Variants in RELN observed in about 807,000 individuals in gnomAD.
RELN encodes the protein reelin.
RELN carries 108 observed loss-of-function variants against 427.6 expected under a neutral mutation model. That is an observed-to-expected ratio of 0.25 (90% CI 0.22 to 0.30). The LOEUF (loss-of-function observed/expected upper bound fraction) is 0.30, where lower values mean the gene tolerates loss of function less well. RELN is among the 10% of genes least tolerant of loss of function. The pLI is 1.00. For missense variants in RELN, 3,715 were observed against 4,302.8 expected (o/e 0.86, Z 3.82); for synonymous variants, 1,524 against 1,513.4 (o/e 1.01, Z -0.16).
intron 11 of RELN, among the ~76,000 whole-genome samples, chr7:103,666,031 T>C (rs559659746): frequency 6.6e-6 from 1 of 152,008 alleles, no homozygotes; most frequent in Non-Finnish European, 1.5e-5. Flanking sequence ...GTATTTTTCA[T>C]TTTAAAAAGT....
At position 103,603,246 on chromosome 7, in the gene RELN, AG is replaced by A; in HGVS notation, c.3333+57del. 7.5e-7 allele frequency: 1 copy of A among 1,341,304 alleles called. No homozygotes were observed. The highest frequency in any genetic ancestry group is 1.1e-6 in the Non-Finnish European group (1 of 931,494). 83.1% of individuals were successfully genotyped at this position (1,341,304 alleles called of 1,614,324 possible). A position where few individuals can be genotyped will look rare whatever the true frequency, so the allele number is the denominator to read the frequency against. ...CTTCATATTTGTACATTTGGAATTC[AG>A]AGTCTCATATTAAACTAGCCATTGC... On this transcript the variant is annotated intron_variant, in intron 24 of 64. Coordinates refer to ENST00000428762, the MANE Select transcript of RELN (RefSeq NM_005045.4). This position sits in a 1 kb window ranked among gnomAD's most constrained non-coding sequence, Gnocchi z 4.3.
rs777883012 is a variant in RELN at position 103,593,668 on chromosome 7, T to C, written c.3912+14A>G. ...TCCTTAACTTGCTCTGGGAAGAAGC[T>C]TGTGCATAAATACCTTGAACTGTAG... On this transcript the variant is annotated intron_variant, in intron 27 of 64. Transcript: ENST00000428762. 2.1e-5 allele frequency: 33 copies of C among 1,607,210 alleles called. No individual in the cohort carries two copies. The highest frequency in any genetic ancestry group is 2.7e-5 in the Non-Finnish European group (32 of 1,173,772).
intron 2 of RELN, among the ~76,000 whole-genome samples, chr7:103,843,239 C>G (rs1435712065): frequency 6.6e-6 from 1 of 151,868 alleles, no homozygotes; most frequent in Non-Finnish European, 1.5e-5. Context: ...GGGTCTTGCT[C>G]TGTCACCTAG....
intron 28 of RELN, among the ~76,000 whole-genome samples, chr7:103,581,946 G>C (rs1413945134): frequency 1.3e-5 from 2 of 152,018 alleles, no homozygotes; most frequent in African/African-American, 4.8e-5. Context: ...AAAACCATGA[G>C]AGATAATAAA....
intron 1 of RELN, among the ~76,000 whole-genome samples, chr7:103,954,915 A>T (rs1384688140): frequency 6.6e-6 from 1 of 152,226 alleles, no homozygotes; most frequent in East Asian, 1.9e-4. Context: ...CAGAAAATAC[A>T]ATTAGCAAGA....
At chr7:103,980,029 C>T (rs974611573) in intron 1 of RELN, among the ~76,000 whole-genome samples, 2 of 151,838 alleles carry the variant, frequency 1.3e-5, no homozygotes, top group African/African-American at 4.8e-5. Flanking sequence ...GGTGTGGTGG[C>T]GCATGCCTAT....
intron 3 of RELN, among the ~76,000 whole-genome samples, chr7:103,812,328 GCA>G (rs1360486089): frequency 6.6e-6 from 1 of 152,134 alleles, no homozygotes; most frequent in Non-Finnish European, 1.5e-5. Flanking sequence ...CTGACCTTGT[GCA>G]CAGAGTCTAT....
At chr7:103,966,548 C>T (rs1796664776) in intron 1 of RELN, among the ~76,000 whole-genome samples, 1 of 152,052 alleles carries the variant, frequency 6.6e-6, no homozygotes, top group Non-Finnish European at 1.5e-5. Flanking sequence ...CATTCAAGGA[C>T]TAGCTGTAAT....
At position 103,545,244 on chromosome 7, in the gene RELN, T is replaced by C; in HGVS notation, c.6403A>G (p.Met2135Val). 6.2e-7 allele frequency: 1 copy of C among 1,613,934 alleles called. No homozygotes were observed. Among genetic ancestry groups the C allele is most frequent in the Non-Finnish European group, 8.5e-7 (1 of 1,179,872 alleles). Residue 2135 changes from methionine to valine, a missense_variant, in exon 42 of 65, where the codon ATG becomes GTG. Met to Val is a conservative substitution (Grantham distance 21). Transcript: ENST00000428762. ...ATACAGCTCCCCTGTCCATTACACA[T>C]CTCCTCACACTGGGGACCGATGTAG... Reference protein sequence around the residue: ...NVYIGPQCEEMCNGQGSCING... With the variant: ...NVYIGPQCEEVCNGQGSCING...
At chr7:103,479,426 G>A (rs1449760122) in intron 63 of RELN, among the ~76,000 whole-genome samples, 5 of 152,170 alleles carry the variant, frequency 3.3e-5, no homozygotes, top group Non-Finnish European at 5.9e-5. Flanking sequence ...TATGGAATGA[G>A]GACTTTTTGT....
intron 64 of RELN, among the ~76,000 whole-genome samples, chr7:103,473,897 C>T (rs971496354): frequency 9.9e-5 from 15 of 151,996 alleles, no homozygotes; most frequent in African/African-American, 2.9e-4. Flanking sequence ...CCTCATGGTC[C>T]CAAAGCCTTT....
Position 103,889,457 on chromosome 7 carries a change from A to C in RELN, c.337+27618T>G, listed in dbSNP as rs545822572. Among the ~76,000 whole-genome samples, 8 of 152,342 alleles carry C rather than the reference A, an allele frequency of 5.3e-5. No homozygotes were observed. The East Asian group carries it at 1.5e-3, about 29-fold the overall frequency. On this transcript the variant is annotated intron_variant, in intron 2 of 64. Coordinates refer to ENST00000428762, the MANE Select transcript of RELN (RefSeq NM_005045.4). ...AGTGCATAACTCACGGAAAGTGTGA[A>C]AAGCCATATACAATTTTATACTTCT...
intron 1 of RELN, among the ~76,000 whole-genome samples, chr7:103,975,552 T>C (rs2116829560): frequency 6.7e-6 from 1 of 149,924 alleles, no homozygotes; most frequent in South Asian, 2.1e-4. Flanking sequence ...TTTATTTATT[T>C]ATTTATTTAT....
intron 2 of RELN, among the ~76,000 whole-genome samples, chr7:103,887,629 G>A (rs1794753916): frequency 6.6e-6 from 1 of 152,160 alleles, no homozygotes; most frequent in African/African-American, 2.4e-5. Context: ...AGAGAATTAG[G>A]AACTGGATGT....
intron 1 of RELN, among the ~76,000 whole-genome samples, chr7:103,981,462 T>G (rs1337976044): frequency 6.6e-6 from 1 of 152,216 alleles, no homozygotes; most frequent in East Asian, 1.9e-4. Flanking sequence ...CACCTCAGTT[T>G]TATCAAGGTT....
intron 50 of RELN, among the ~76,000 whole-genome samples, chr7:103,512,575 G>T (rs1260347436): frequency 6.6e-6 from 1 of 152,152 alleles, no homozygotes; most frequent in Non-Finnish European, 1.5e-5. Context: ...ACTATGAATT[G>T]ATTAATGCAG....
rs543588169 is a variant in RELN at position 103,824,475 on chromosome 7, A to C, written c.473+9062T>G. On this transcript the variant is annotated intron_variant, in intron 3 of 64. Coordinates refer to ENST00000428762, the MANE Select transcript of RELN (RefSeq NM_005045.4). This position sits in a 1 kb window ranked among gnomAD's most constrained non-coding sequence, Gnocchi z 4.4. ...TTAAGAAGCTCCTGACAATAGCTCCAGGCCCCATATAGGTTAAAACTCCAG... is the reference window on the plus strand; with the variant it reads ...TTAAGAAGCTCCTGACAATAGCTCCCGGCCCCATATAGGTTAAAACTCCAG... 1.0e-3 allele frequency among the ~76,000 whole-genome samples: 157 copies of C among 152,166 alleles called. No homozygotes were observed. The highest frequency in any genetic ancestry group is 3.7e-3 in the African/African-American group (153 of 41,530).
At chr7:103,763,823 TG>T (rs1164296411) in intron 4 of RELN, among the ~76,000 whole-genome samples, 1 of 151,842 alleles carries the variant, frequency 6.6e-6, no homozygotes. Context: ...CAGGCTGAAC[TG>T]GGGGGAAACA....
rs187884312 is a variant in RELN at position 103,472,152 on chromosome 7, G to T, written c.*660C>A. 5 of 152,686 alleles carry T rather than the reference G, an allele frequency of 3.3e-5. No homozygotes were observed. The East Asian group carries it at 9.6e-4, about 29-fold the overall frequency. 9.5% of individuals were successfully genotyped at this position (152,686 alleles called of 1,614,324 possible). On this transcript the variant is annotated 3_prime_UTR_variant, in exon 65 of 65. Transcript: ENST00000428762. ...AATTTAAAGTAGAAAATATTTCAGG[G>T]TCAAGCATTTTTCTTATCCACAAAA... is the stretch of plus-strand genomic sequence containing the variant.
Sources: gnomAD v4.1 joint callset for allele counts (sites outside exome capture counted in the v4.1 genomes callset) on GRCh38, gnomAD v4.1.1 for gene constraint, Gnocchi (gnomAD v3.1) non-coding constraint, MANE v1.5 for transcripts, NCBI Gene and HGNC (gene_info 2026-07-23, HGNC 2026-07-21) for gene names.